Variants in EXT1 observed in about 807,000 individuals in gnomAD.
The protein encoded by EXT1 is exostosin glycosyltransferase 1, also known as exostosin-1.
EXT1 carries 20 observed loss-of-function variants against 82.5 expected under a neutral mutation model. The observed-to-expected ratio is 0.24, with a 90% CI of 0.17 to 0.35. The LOEUF (loss-of-function observed/expected upper bound fraction) is 0.35, where lower values mean the gene tolerates loss of function less well. Ranked by LOEUF, EXT1 falls within the 10% of genes least tolerant of loss-of-function variation. The probability of loss-of-function intolerance (pLI) is 1.00; values close to 1 mark genes in which losing one functional copy is unlikely to be tolerated. For synonymous variants in EXT1, 348 were observed against 350.8 expected (o/e 0.99, Z 0.09); for missense variants, 757 against 936.5 (o/e 0.81, Z 2.50).
chr8:118,107,185 C>T (rs926778209), intron 1 of EXT1, among the ~76,000 whole-genome samples: 1 of 152,070 alleles, frequency 6.6e-6, no homozygotes, highest in African/African-American at 2.4e-5. Context: ...TCTAACTTGA[C>T]CATAATACCA....
chr8:117,906,023 C>A (rs530607746), intron 1 of EXT1, among the ~76,000 whole-genome samples: 1 of 152,316 alleles, frequency 6.6e-6, no homozygotes, highest in African/African-American at 2.4e-5. Flanking sequence ...AAAGGCTACA[C>A]TTCCTGCTAT....
chr8:117,836,277 T>A (rs1230779522), intron 2 of EXT1, among the ~76,000 whole-genome samples: 1 of 152,204 alleles, frequency 6.6e-6, no homozygotes, highest in Non-Finnish European at 1.5e-5. Context: ...AGTGATGGCA[T>A]GCTATGCAGA....
chr8:117,968,790 C>T (rs1045414204), intron 1 of EXT1, among the ~76,000 whole-genome samples: 3 of 65,406 alleles, frequency 4.6e-5, no homozygotes, highest in East Asian at 3.2e-4. Flanking sequence ...AGGATGGTCT[C>T]GATCTCCTGA....
At chr8:118,087,874 AT>A (rs1176011069) in intron 1 of EXT1, among the ~76,000 whole-genome samples, 1 of 140,808 alleles carries the variant, frequency 7.1e-6, no homozygotes, top group Non-Finnish European at 1.5e-5. Context: ...ATTACTCTTC[AT>A]TTTATGGGGA....
At chr8:117,812,413 A>T (rs1298840919) in intron 8 of EXT1, among the ~76,000 whole-genome samples, 1 of 152,188 alleles carries the variant, frequency 6.6e-6, no homozygotes. Flanking sequence ...GAGCTCTTTA[A>T]ACCAAGACAG....
At position 117,799,567 on chromosome 8, in the gene EXT1, C is replaced by CTTT; in HGVS notation, c.*142_*144dup. 1 of 788,692 alleles carries CTTT rather than the reference C, an allele frequency of 1.3e-6. No homozygotes were observed. The highest frequency in any genetic ancestry group is 2.0e-6 in the Non-Finnish European group (1 of 507,828). 48.9% of individuals were successfully genotyped at this position (788,692 alleles called of 1,614,324 possible). A position where few individuals can be genotyped will look rare whatever the true frequency, so the allele number is the denominator to read the frequency against. On this transcript the variant is annotated 3_prime_UTR_variant, in exon 11 of 11. Coordinates refer to ENST00000378204, the MANE Select transcript of EXT1 (RefSeq NM_000127.3). ...AGCCAGGAGTTGAGTTCTCATTGGC[C>CTTT]TTTTTTTTTTTGTCATTCTGCTCAT...
At chr8:118,096,647 GA>G (rs375094869) in intron 1 of EXT1, among the ~76,000 whole-genome samples, 1 of 26,548 alleles carries the variant, frequency 3.8e-5, no homozygotes, top group Non-Finnish European at 1.3e-4. Context: ...AGGAAGGAAG[GA>G]AGGAAGGAAG....
intron 1 of EXT1, among the ~76,000 whole-genome samples, chr8:117,963,122 A>G (rs1054814065): frequency 6.6e-6 from 1 of 152,182 alleles, no homozygotes; most frequent in African/African-American, 2.4e-5. Context: ...GTTCCCTGGA[A>G]CACAGGCTGT....
At chr8:117,836,794 A>G (rs182882674) in intron 2 of EXT1, among the ~76,000 whole-genome samples, 79 of 142,128 alleles carry the variant, frequency 5.6e-4, no homozygotes, top group Non-Finnish European at 1.1e-3. Context: ...GAATAAAGGG[A>G]AAGTGTAGGG....
At chr8:117,877,184 T>C (rs1372808460) in intron 1 of EXT1, among the ~76,000 whole-genome samples, 2 of 152,182 alleles carry the variant, frequency 1.3e-5, no homozygotes, top group Admixed American at 1.3e-4. Flanking sequence ...ACTTTAATGT[T>C]TGCAAAAACC....
chr8:117,895,705 G>T lies in EXT1; in HGVS notation c.963-58504C>A, dbSNP rs529165448. ...TCTACCAGAATAACCTAGGCAACAAGAAATGTTCTGATTCTCCCATGTCTG... is the reference window on the plus strand; with the variant it reads ...TCTACCAGAATAACCTAGGCAACAATAAATGTTCTGATTCTCCCATGTCTG... On this transcript the variant is annotated intron_variant, in intron 1 of 10. Coordinates refer to ENST00000378204, the MANE Select transcript of EXT1 (RefSeq NM_000127.3). 4.7e-4 allele frequency among the ~76,000 whole-genome samples: 72 copies of T among 152,294 alleles called. 1 individual carries two copies. Among genetic ancestry groups the T allele is most frequent in the African/African-American group, 1.7e-3 (70 of 41,576 alleles).
At chr8:118,043,697 C>G (rs1367799355) in intron 1 of EXT1, among the ~76,000 whole-genome samples, 1 of 152,236 alleles carries the variant, frequency 6.6e-6, no homozygotes, top group Non-Finnish European at 1.5e-5. Flanking sequence ...ATGGAAAACT[C>G]ATTCTGCAGT....
chr8:118,101,222 G>T (rs1817713844), intron 1 of EXT1, among the ~76,000 whole-genome samples: 1 of 152,154 alleles, frequency 6.6e-6, no homozygotes, highest in African/African-American at 2.4e-5. Flanking sequence ...GGAAACTGAG[G>T]CTGAGAAGTT....
At chr8:117,888,766 T>C (rs1188498320) in intron 1 of EXT1, among the ~76,000 whole-genome samples, 1 of 152,178 alleles carries the variant, frequency 6.6e-6, no homozygotes, top group Non-Finnish European at 1.5e-5. Flanking sequence ...TTCCATATCA[T>C]CTCCAGCCCC....
At chr8:118,033,693 TG>T (rs1211592784) in intron 1 of EXT1, among the ~76,000 whole-genome samples, 1 of 152,170 alleles carries the variant, frequency 6.6e-6, no homozygotes, top group Non-Finnish European at 1.5e-5. Flanking sequence ...TTGCCCTGAT[TG>T]GTCTCCAACT....
At chr8:117,834,732 A>G (rs995485086) in intron 3 of EXT1, among the ~76,000 whole-genome samples, 1 of 152,226 alleles carries the variant, frequency 6.6e-6, no homozygotes, top group African/African-American at 2.4e-5. Flanking sequence ...TCAAAGATAA[A>G]GTGTATGGTA....
chr8:118,065,914 G>A (rs1199549807), intron 1 of EXT1, among the ~76,000 whole-genome samples: 1 of 152,194 alleles, frequency 6.6e-6, no homozygotes, highest in Non-Finnish European at 1.5e-5. Flanking sequence ...TGGGACTGAG[G>A]TCTCTCAGTT....
chr8:117,889,148 G>C (rs1813199613), intron 1 of EXT1, among the ~76,000 whole-genome samples: 2 of 152,222 alleles, frequency 1.3e-5, no homozygotes, highest in Admixed American at 6.5e-5. Context: ...CAGCATGTAA[G>C]ATATGTGTTT....
intron 1 of EXT1, among the ~76,000 whole-genome samples, chr8:117,949,647 C>T (rs1814454946): frequency 2.0e-5 from 3 of 151,676 alleles, no homozygotes; most frequent in South Asian, 4.1e-4. Flanking sequence ...CTATTTCATA[C>T]ATAAGTAATA....
Sources: allele counts gnomAD v4.1 joint callset (sites outside exome capture counted in the v4.1 genomes callset), GRCh38; gene constraint gnomAD v4.1.1; transcripts MANE v1.5; gene names NCBI Gene and HGNC (gene_info 2026-07-23, HGNC 2026-07-21).